CHST11: variants seen among roughly 807,000 people sequenced by gnomAD.
The protein encoded by CHST11 is C4S-1.
In CHST11, 9 loss-of-function variants were observed where a neutral mutation model predicts 30.4. The observed-to-expected ratio is 0.30, with a 90% confidence interval of 0.18 to 0.52. The LOEUF (loss-of-function observed/expected upper bound fraction) is 0.52. CHST11 is among the 20% of genes least tolerant of loss of function. CHST11 has a pLI of 0.97. For missense variants in CHST11, 348 were observed against 460.6 expected, an observed-to-expected ratio of 0.76 and a Z score of 2.24; for synonymous variants, 152 against 187.8, an observed-to-expected ratio of 0.81 and a Z score of 1.56.
intron 1 of CHST11, among the ~76,000 whole-genome samples, chr12:104,560,582 T>G (rs891939259): frequency 6.6e-6 from 1 of 152,148 alleles, no homozygotes; most frequent in Admixed American, 6.6e-5. Context: ...ACTTTATAAT[T>G]GGGCAGCAGA....
At chr12:104,609,585 T>G (rs531943098) in intron 2 of CHST11, among the ~76,000 whole-genome samples, 1 of 152,272 alleles carries the variant, frequency 6.6e-6, no homozygotes, top group Admixed American at 6.5e-5. Context: ...AGGAAAGGAT[T>G]GGATGCCTGA....
chr12:104,739,595 C>T (rs999279278), intron 2 of CHST11, among the ~76,000 whole-genome samples: 1 of 152,236 alleles, frequency 6.6e-6, no homozygotes. Flanking sequence ...CTCTGCTCTG[C>T]TGCCCCTTGA....
At chr12:104,574,413 T>C (rs1440813418) in intron 1 of CHST11, among the ~76,000 whole-genome samples, 9 of 152,176 alleles carry the variant, frequency 5.9e-5, no homozygotes, top group Non-Finnish European at 2.9e-5. Flanking sequence ...CATGCACACA[T>C]GTTAATTGTG....
chr12:104,617,609 T>G (rs1250859988), intron 2 of CHST11, among the ~76,000 whole-genome samples: 1 of 152,188 alleles, frequency 6.6e-6, no homozygotes, highest in Non-Finnish European at 1.5e-5. Flanking sequence ...CTAGGTTTCC[T>G]CATCTGGAAA....
At chr12:104,581,022 C>T (rs1339689420) in intron 1 of CHST11, among the ~76,000 whole-genome samples, 1 of 152,176 alleles carries the variant, frequency 6.6e-6, no homozygotes, top group Non-Finnish European at 1.5e-5. Flanking sequence ...AATCTGAGTG[C>T]CTTTTCTGCC....
intron 1 of CHST11, among the ~76,000 whole-genome samples, chr12:104,464,269 T>C (rs2037437576): frequency 6.6e-6 from 1 of 151,990 alleles, no homozygotes; most frequent in Non-Finnish European, 1.5e-5. Flanking sequence ...GGTTTTGCCA[T>C]GTTGGCCAAG....
At chr12:104,734,374 C>G (rs1182557390) in intron 2 of CHST11, among the ~76,000 whole-genome samples, 1 of 152,170 alleles carries the variant, frequency 6.6e-6, no homozygotes, top group African/African-American at 2.4e-5. Flanking sequence ...GTTCCGGGCC[C>G]TGTGTAGGCA....
intron 2 of CHST11, among the ~76,000 whole-genome samples, chr12:104,603,469 C>T (rs2038976013): frequency 6.6e-6 from 1 of 152,226 alleles, no homozygotes. Context: ...GTCCTGTTCA[C>T]TGTTGGCTCC....
intron 1 of CHST11, among the ~76,000 whole-genome samples, chr12:104,588,231 C>T (rs2038824403): frequency 6.6e-6 from 1 of 152,192 alleles, no homozygotes; most frequent in Non-Finnish European, 1.5e-5. Context: ...AACTCTGTGT[C>T]TATTTATTGT....
chr12:104,752,237 C>T (rs2040437693), intron 2 of CHST11, among the ~76,000 whole-genome samples: 1 of 152,154 alleles, frequency 6.6e-6, no homozygotes, highest in South Asian at 2.1e-4. Flanking sequence ...ATTGCAGTCT[C>T]CGACTCTGTC....
chr12:104,724,560 C>T (rs570085616), intron 2 of CHST11, among the ~76,000 whole-genome samples: 1 of 152,160 alleles, frequency 6.6e-6, no homozygotes, highest in South Asian at 2.1e-4. Context: ...CATTTGTTCA[C>T]ACAGGGTTAG....
At chr12:104,493,298 A>T (rs567784367) in intron 1 of CHST11, among the ~76,000 whole-genome samples, 1 of 152,154 alleles carries the variant, frequency 6.6e-6, no homozygotes, top group Admixed American at 6.5e-5. Context: ...ATGTGGCAAG[A>T]TGTTTATTGC....
chr12:104,637,612 T>C (rs1347403031), intron 2 of CHST11, among the ~76,000 whole-genome samples: 1 of 152,174 alleles, frequency 6.6e-6, no homozygotes, highest in Non-Finnish European at 1.5e-5. Flanking sequence ...ATGCAAAGTC[T>C]CTAACAACGT....
rs565897720 is a variant in CHST11, at chr12:104,483,448, G to A, written c.118+25919G>A. On this transcript the variant is annotated intron_variant, in intron 1 of 2. Transcript: ENST00000303694. ...CTTGAACTCCTGACCTCAGGTGATC[G>A]GCCTGCCTCGGCCTCTCAAAGTGCT... Among the ~76,000 whole-genome samples, 14 of 152,084 alleles carry A rather than the reference G, an allele frequency of 9.2e-5. 1 individual carries two copies. The Middle Eastern group carries it at 0.017, about 185-fold the overall frequency.
chr12:104,463,832 G>A (rs2037432241), intron 1 of CHST11, among the ~76,000 whole-genome samples: 1 of 152,156 alleles, frequency 6.6e-6, no homozygotes, highest in South Asian at 2.1e-4. Context: ...GGTCCCTGAG[G>A]CAAGAACACG....
At chr12:104,534,744 A>C (rs2038220186) in intron 1 of CHST11, among the ~76,000 whole-genome samples, 2 of 152,194 alleles carry the variant, frequency 1.3e-5, no homozygotes, top group Admixed American at 1.3e-4. Flanking sequence ...GCCAGACTGA[A>C]GAGCATAATG....
At chr12:104,675,306 G>A (rs777866400) in intron 2 of CHST11, among the ~76,000 whole-genome samples, 12 of 152,218 alleles carry the variant, frequency 7.9e-5, no homozygotes, top group Admixed American at 1.3e-4. Context: ...CTTCTGTTAT[G>A]CTCACGTCTT....
chr12:104,634,524 C>T (rs561862249), intron 2 of CHST11, among the ~76,000 whole-genome samples: 8 of 152,330 alleles, frequency 5.3e-5, no homozygotes, highest in South Asian at 2.1e-4. Flanking sequence ...GCCACGTGCC[C>T]GACACGTCTC....
chr12:104,706,567 A>T (rs931891914), intron 2 of CHST11, among the ~76,000 whole-genome samples: 3 of 152,056 alleles, frequency 2.0e-5, no homozygotes, highest in African/African-American at 4.8e-5. Flanking sequence ...AGATGACCCT[A>T]CCTACACCAG....
Sources: allele counts gnomAD v4.1 joint callset (sites outside exome capture counted in the v4.1 genomes callset), GRCh38; gene constraint gnomAD v4.1.1; transcripts MANE v1.5; gene names NCBI Gene and HGNC (gene_info 2026-07-23, HGNC 2026-07-21).